Variants in TMEM132D observed in about 807,000 individuals in gnomAD.
The protein encoded by TMEM132D is transmembrane protein 132D, also known as mature OL transmembrane protein.
A neutral mutation model predicts 62.3 loss-of-function variants in TMEM132D; 21 were observed. The ratio of observed to expected loss-of-function variants is 0.34; its 90% CI spans 0.24 to 0.49. The LOEUF is 0.49. Ranked by LOEUF, TMEM132D falls within the 20% of genes least tolerant of loss-of-function variation. The pLI is 0.99. For synonymous variants in TMEM132D, 621 were observed against 575.6 expected (o/e 1.08, Z -1.13); for missense variants, 1,346 against 1,402.8 (o/e 0.96, Z 0.65).
chr12:129,617,289 C>T (rs1014520005), intron 2 of TMEM132D, among the ~76,000 whole-genome samples: 1 of 152,120 alleles, frequency 6.6e-6, no homozygotes, highest in African/African-American at 2.4e-5. Flanking sequence ...AAAACAGAAA[C>T]CCTAGCCACC....
At chr12:129,780,476 C>T (rs191883207) in intron 1 of TMEM132D, among the ~76,000 whole-genome samples, 4 of 152,086 alleles carry the variant, frequency 2.6e-5, no homozygotes, top group African/African-American at 9.7e-5. Context: ...GAACCCAGAG[C>T]CCTCATTCCT....
At chr12:129,381,695 C>A (rs1427505185) in intron 3 of TMEM132D, among the ~76,000 whole-genome samples, 1 of 90,824 alleles carries the variant, frequency 1.1e-5, no homozygotes. Flanking sequence ...TTTCTTTTTC[C>A]TTTCCTTTCT....
intron 2 of TMEM132D, among the ~76,000 whole-genome samples, chr12:129,562,654 G>A (rs1175073575): frequency 1.3e-5 from 2 of 152,146 alleles, no homozygotes; most frequent in Non-Finnish European, 2.9e-5. Flanking sequence ...GTAAGAACTT[G>A]CTTAGCCCAA....
intron 4 of TMEM132D, among the ~76,000 whole-genome samples, chr12:129,310,599 C>A (rs754750122): frequency 2.0e-5 from 3 of 152,158 alleles, no homozygotes; most frequent in Non-Finnish European, 4.4e-5. Context: ...AATGCTTTAA[C>A]AAAGATTGTG....
intron 3 of TMEM132D, among the ~76,000 whole-genome samples, chr12:129,394,821 T>TG (rs1871378757): frequency 6.6e-6 from 1 of 152,180 alleles, no homozygotes; most frequent in Non-Finnish European, 1.5e-5. Flanking sequence ...AGTGGTTGCC[T>TG]GGGGATGGAG....
chr12:129,360,611 G>A (rs1464092803), intron 3 of TMEM132D, among the ~76,000 whole-genome samples: 1 of 151,892 alleles, frequency 6.6e-6, no homozygotes, highest in Non-Finnish European at 1.5e-5. Context: ...CCCAGCTGGG[G>A]GCTCTGGCCA....
intron 2 of TMEM132D, among the ~76,000 whole-genome samples, chr12:129,640,932 G>A (rs946663927): frequency 1.3e-5 from 2 of 152,110 alleles, no homozygotes; most frequent in Non-Finnish European, 2.9e-5. Context: ...CGCTCCTTAT[G>A]AGAATCTAAC....
At chr12:129,249,178 G>T (rs1171073972) in intron 4 of TMEM132D, among the ~76,000 whole-genome samples, 5 of 152,188 alleles carry the variant, frequency 3.3e-5, no homozygotes, top group Non-Finnish European at 7.3e-5. Flanking sequence ...AGGAGCCTGG[G>T]CCAGCGTAGA....
At chr12:129,765,897 G>A (rs896941540) in intron 1 of TMEM132D, among the ~76,000 whole-genome samples, 6 of 152,174 alleles carry the variant, frequency 3.9e-5, no homozygotes, top group African/African-American at 7.2e-5. Flanking sequence ...CACGTGCTAG[G>A]AAGGGCTCTG....
chr12:129,484,609 A>G (rs1007121989), intron 3 of TMEM132D, among the ~76,000 whole-genome samples: 1 of 152,228 alleles, frequency 6.6e-6, no homozygotes, highest in Non-Finnish European at 1.5e-5. Flanking sequence ...AAAAGATCTA[A>G]CATGCTCTCT....
chr12:129,344,120 C>G (rs1287545438), intron 3 of TMEM132D, among the ~76,000 whole-genome samples: 1 of 152,170 alleles, frequency 6.6e-6, no homozygotes, highest in Admixed American at 6.5e-5. Flanking sequence ...GAGTAGCTGT[C>G]CTTTCGCCAC....
At chr12:129,873,373 T>C (rs1229743604) in intron 1 of TMEM132D, among the ~76,000 whole-genome samples, 1 of 152,156 alleles carries the variant, frequency 6.6e-6, no homozygotes, top group African/African-American at 2.4e-5. Context: ...ACCATTTCGC[T>C]GATTTGCTGC....
chr12:129,295,469 T>C (rs1267047706), intron 4 of TMEM132D, among the ~76,000 whole-genome samples: 2 of 149,482 alleles, frequency 1.3e-5, no homozygotes, highest in East Asian at 4.0e-4. Context: ...TCGTCCTTCT[T>C]GCCCAGGCTG....
At chr12:129,594,367 G>A (rs906056736) in intron 2 of TMEM132D, among the ~76,000 whole-genome samples, 5 of 152,206 alleles carry the variant, frequency 3.3e-5, no homozygotes, top group African/African-American at 1.2e-4. Context: ...TCACATCAAA[G>A]TCCAGGGGAA....
chr12:129,314,520 T>G (rs1210898098), intron 4 of TMEM132D, among the ~76,000 whole-genome samples: 1 of 152,250 alleles, frequency 6.6e-6, no homozygotes, highest in Non-Finnish European at 1.5e-5. Context: ...GACTATGGCC[T>G]TACAGTATAG....
chr12:129,876,108 A>G (rs1874408896), intron 1 of TMEM132D, among the ~76,000 whole-genome samples: 1 of 152,218 alleles, frequency 6.6e-6, no homozygotes, highest in Non-Finnish European at 1.5e-5. Context: ...CTAGTTCCAG[A>G]AACAAGACAT....
intron 3 of TMEM132D, among the ~76,000 whole-genome samples, chr12:129,496,609 A>G (rs1219104945): frequency 1.3e-5 from 2 of 152,124 alleles, no homozygotes; most frequent in African/African-American, 4.8e-5. Flanking sequence ...ACATGGGAGG[A>G]AAGAGAAATA....
intron 3 of TMEM132D, among the ~76,000 whole-genome samples, chr12:129,340,361 G>T (rs2135660820): frequency 6.6e-6 from 1 of 152,120 alleles, no homozygotes; most frequent in Non-Finnish European, 1.5e-5. Flanking sequence ...ACAATGTACA[G>T]ATTTGTTACA....
At chr12:129,278,227 T>C (rs2135606852) in intron 4 of TMEM132D, among the ~76,000 whole-genome samples, 1 of 152,266 alleles carries the variant, frequency 6.6e-6, no homozygotes, top group South Asian at 2.1e-4. Context: ...GGTGATGGAC[T>C]TCCTAGGTGC....
Sources: allele counts gnomAD v4.1 joint callset (sites outside exome capture counted in the v4.1 genomes callset), GRCh38; gene constraint gnomAD v4.1.1; transcripts MANE v1.5; gene names NCBI Gene and HGNC (gene_info 2026-07-23, HGNC 2026-07-21).